BICD1: variants seen among roughly 807,000 people sequenced by gnomAD.
The protein encoded by BICD1 is protein bicaudal D homolog 1.
Under a neutral mutation model 92.5 loss-of-function variants are expected in BICD1, and 35 were observed. The observed-to-expected ratio is 0.38, with a 90% CI of 0.29 to 0.50. BICD1 has a LOEUF of 0.50. Among genes scored for constraint, BICD1 ranks in the 20% least tolerant of loss-of-function variants. The pLI is 0.93. For missense variants in BICD1, 950 were observed against 1,189.8 expected (o/e 0.80, Z 2.97); for synonymous variants, 429 against 465.1 (o/e 0.92, Z 1.00).
At chr12:32,151,290 A>T (rs1029316080) in intron 1 of BICD1, among the ~76,000 whole-genome samples, 9 of 152,180 alleles carry the variant, frequency 5.9e-5, no homozygotes, top group African/African-American at 2.2e-4. Context: ...TCCAGTAGAC[A>T]GTCACTTTCC....
chr12:32,194,578 T>C (rs958914356), intron 1 of BICD1, among the ~76,000 whole-genome samples: 3 of 152,074 alleles, frequency 2.0e-5, no homozygotes, highest in Non-Finnish European at 4.4e-5. Context: ...CTATTTACAA[T>C]AGCATCAGAA....
intron 2 of BICD1, among the ~76,000 whole-genome samples, chr12:32,237,035 C>T (rs112088470): frequency 0.13 from 19,068 of 151,778 alleles, 1,977 homozygotes; most frequent in African/African-American, 0.28. Flanking sequence ...CCACCATACC[C>T]GGCTAATTTT....
At chr12:32,186,450 A>C (rs577934407) in intron 1 of BICD1, among the ~76,000 whole-genome samples, 1 of 152,290 alleles carries the variant, frequency 6.6e-6, no homozygotes, top group South Asian at 2.1e-4. Context: ...TTGCTACGTG[A>C]TGTATTATAA....
At chr12:32,364,957 C>T (rs972372065) in intron 8 of BICD1, among the ~76,000 whole-genome samples, 4 of 151,458 alleles carry the variant, frequency 2.6e-5, no homozygotes, top group Admixed American at 6.6e-5. Flanking sequence ...ATAAATAGGC[C>T]GAGTGCAGTG....
chr12:32,213,133 G>A (rs935261018), intron 1 of BICD1, among the ~76,000 whole-genome samples: 1 of 152,114 alleles, frequency 6.6e-6, no homozygotes, highest in Non-Finnish European at 1.5e-5. Context: ...TCCTACTAGT[G>A]TCCTTTTTAA....
intron 1 of BICD1, among the ~76,000 whole-genome samples, chr12:32,208,299 C>T (rs161961): frequency 0.15 from 22,280 of 152,216 alleles, 1,902 homozygotes; most frequent in East Asian, 0.22. Context: ...AGCCAACAGT[C>T]ATTGAGTACT....
intron 1 of BICD1, among the ~76,000 whole-genome samples, chr12:32,149,589 G>A (rs1943228066): frequency 6.6e-6 from 1 of 152,196 alleles, no homozygotes; most frequent in Admixed American, 6.5e-5. Context: ...AGAAAAATTA[G>A]TGTCAGAGTT....
chr12:32,112,001 C>CTTTTTTTTT (rs35592483), intron 1 of BICD1, among the ~76,000 whole-genome samples: 9 of 97,086 alleles, frequency 9.3e-5, no homozygotes, highest in East Asian at 3.2e-4. Context: ...TGCACTATCC[C>CTTTTTTTTT]TTTTTTTTTT....
chr12:32,280,570 G>T (rs535654202), intron 2 of BICD1, among the ~76,000 whole-genome samples: 12 of 152,202 alleles, frequency 7.9e-5, no homozygotes, highest in Admixed American at 4.6e-4. Flanking sequence ...TACAGGGAGG[G>T]CACCTTTCTC....
At chr12:32,135,065 C>G (rs1193464919) in intron 1 of BICD1, among the ~76,000 whole-genome samples, 15 of 120,954 alleles carry the variant, frequency 1.2e-4, no homozygotes, top group Middle Eastern at 3.9e-3. Flanking sequence ...CATTCCCCTC[C>G]CCTCCCCTTC....
chr12:32,116,382 A>C lies in BICD1; in HGVS notation c.213+8838A>C, dbSNP rs536046038. ...TCTCCTTTGTTTTTCCACTCTGGTC[A>C]CTCAGTTCTAGCCAAGATAGTCCAC... On this transcript the variant is annotated intron_variant, in intron 1 of 9. Coordinates refer to ENST00000652176, the MANE Select transcript of BICD1 (RefSeq NM_001714.4). Among the ~76,000 whole-genome samples the C allele has an allele frequency of 6.6e-5, 10 of 150,814 alleles. No homozygotes were observed. The East Asian group carries it at 2.0e-3, about 30-fold the overall frequency.
intron 4 of BICD1, among the ~76,000 whole-genome samples, chr12:32,324,119 AG>A (rs113240042): frequency 0.08 from 12,234 of 152,190 alleles, 540 homozygotes; most frequent in Middle Eastern, 0.13. Context: ...TCACGAGGTC[AG>A]GAGTTCGAGA....
Position 32,338,835 on chromosome 12 carries a change from G to C in BICD1, c.2620G>C (p.Ala874Pro). Residue 874 changes from alanine to proline, a missense_variant, in exon 8 of 10, where the codon GCT (alanine) becomes CCT (proline). Around this residue, in one of 5 missense-constraint regions of BICD1, gnomAD observed 179 missense variants for 186.7 expected, o/e 0.96. Coordinates refer to ENST00000652176, the MANE Select transcript of BICD1 (RefSeq NM_001714.4). ...TCAGAGCCGTCCCAGGACTTCAGGG[G>C]CTTCCTACCTACAGAATTTATTAAG... ...CDQSRPRTSG[A>P]SYLQNLLRVP... The C allele has an allele frequency of 2.5e-6, 4 of 1,604,986 alleles. No individual in the cohort carries two copies. Among genetic ancestry groups the C allele is most frequent in the East Asian group, 2.3e-5 (1 of 43,946 alleles).
intron 4 of BICD1, among the ~76,000 whole-genome samples, chr12:32,317,119 G>C (rs1462713357): frequency 6.6e-6 from 1 of 152,136 alleles, no homozygotes; most frequent in Admixed American, 6.5e-5. Context: ...TTGGACATTT[G>C]GGTTGGTTCC....
chr12:32,150,802 C>A (rs1258883825), intron 1 of BICD1, among the ~76,000 whole-genome samples: 1 of 152,090 alleles, frequency 6.6e-6, no homozygotes, highest in Admixed American at 6.5e-5. Flanking sequence ...ACATAAGAAT[C>A]TGTAGGCTCT....
Position 32,107,204 on chromosome 12 carries a change from C to A in BICD1, c.-128C>A. 1.1e-6 allele frequency: 1 copy of A among 898,710 alleles called. No individual in the cohort carries two copies. The allele number at this position is 898,710 out of a possible 1,614,324, so 55.7% of individuals were successfully genotyped here. On this transcript the variant is annotated 5_prime_UTR_variant, in exon 1 of 10. Transcript: ENST00000652176. The stretch of plus-strand genomic sequence containing the variant: ...AGAGCCGGCGGGGCATCGCGCTGCT[C>A]ATTCATCCGGCCGCACTTTCTTTTC...
intron 2 of BICD1, among the ~76,000 whole-genome samples, chr12:32,226,149 C>G (rs186093200): frequency 1.3e-5 from 2 of 152,044 alleles, no homozygotes; most frequent in Admixed American, 1.3e-4. Flanking sequence ...TGTTTGTTTG[C>G]TTTGAGACGG....
At chr12:32,243,575 G>A (rs1242132210) in intron 2 of BICD1, among the ~76,000 whole-genome samples, 2 of 151,948 alleles carry the variant, frequency 1.3e-5, no homozygotes. Flanking sequence ...ACTTGTGTGT[G>A]CCAAAAAATT....
At position 32,280,032 on chromosome 12, in the gene BICD1, A is replaced by G. The variant is rs1438992099; in HGVS notation, c.427-13962A>G. 2.0e-5 allele frequency among the ~76,000 whole-genome samples: 3 copies of G among 152,334 alleles called. No homozygotes were observed. In the South Asian group the frequency reaches 6.2e-4, roughly 32 times the overall value. ...AGAATCACTTGAACCTGGGAGGCGG[A>G]GGTTGCAGTGAGCCAAGATCATGCC... On this transcript the variant is annotated intron_variant, in intron 2 of 9. Transcript: ENST00000652176.
Sources: allele counts gnomAD v4.1 joint callset (sites outside exome capture counted in the v4.1 genomes callset), GRCh38; gene constraint gnomAD v4.1.1; regional missense constraint gnomAD v4.1.1; transcripts MANE v1.5; gene names NCBI Gene and HGNC (gene_info 2026-07-23, HGNC 2026-07-21).